Variants in UBE2V2 observed in about 807,000 individuals in gnomAD.
UBE2V2 encodes the protein ubiquitin-conjugating enzyme E2 variant 2.
UBE2V2 carries 9 observed loss-of-function variants against 17.2 expected under a neutral mutation model. That is an observed-to-expected ratio of 0.52 (90% CI 0.32 to 0.91). The LOEUF is 0.91. UBE2V2 is among the 40% of genes least tolerant of loss of function. The pLI, the probability that UBE2V2 is intolerant of heterozygous loss-of-function variation, is 0.04. For missense variants in UBE2V2, 133 were observed against 182.6 expected, an observed-to-expected ratio of 0.73 and a Z score of 1.56; for synonymous variants, 61 against 57.5, an observed-to-expected ratio of 1.06 and a Z score of -0.28.
At chr8:48,059,701 G>A (rs974725045) in intron 3 of UBE2V2, among the ~76,000 whole-genome samples, 11 of 152,258 alleles carry the variant, frequency 7.2e-5, no homozygotes, top group Non-Finnish European at 1.0e-4. Flanking sequence ...GTGAGCCACC[G>A]CATCCGGCCC....
intron 2 of UBE2V2, among the ~76,000 whole-genome samples, chr8:48,047,071 AG>A (rs1015523319): frequency 1.3e-5 from 2 of 151,494 alleles, no homozygotes; most frequent in Non-Finnish European, 2.9e-5. Flanking sequence ...GCTCCTGAGT[AG>A]CTGGGATTAC....
chr8:48,041,169 T>G (rs1006846315), intron 1 of UBE2V2, among the ~76,000 whole-genome samples: 16 of 146,408 alleles, frequency 1.1e-4, no homozygotes, highest in African/African-American at 1.6e-4. Flanking sequence ...CGGCCTTTTT[T>G]GTTGTTTTTT....
intron 1 of UBE2V2, among the ~76,000 whole-genome samples, chr8:48,027,849 C>T (rs755764716): frequency 1.3e-5 from 2 of 151,952 alleles, no homozygotes; most frequent in Non-Finnish European, 2.9e-5. Context: ...TATTCAGATT[C>T]TTTATTCATT....
chr8:48,003,577 G>T (rs2154506384), upstream of UBE2V2, among the ~76,000 whole-genome samples: 1 of 152,118 alleles, frequency 6.6e-6, no homozygotes, highest in East Asian at 1.9e-4. Context: ...TCCTGCTAGT[G>T]GGAGGGTCCA....
At chr8:48,036,580 C>T (rs534717170) in intron 1 of UBE2V2, among the ~76,000 whole-genome samples, 1 of 151,376 alleles carries the variant, frequency 6.6e-6, no homozygotes, top group East Asian at 2.0e-4. Flanking sequence ...ATTACAGGCA[C>T]GCACCACCAC....
At chr8:48,011,912 G>C (rs1028041878) in intron 1 of UBE2V2, among the ~76,000 whole-genome samples, 3 of 152,138 alleles carry the variant, frequency 2.0e-5, no homozygotes, top group African/African-American at 7.2e-5. Context: ...CCTGGCCTGA[G>C]GTTAGGATTA....
In UBE2V2 at chr8:48,062,086, C is replaced by T. The variant is rs767071320; in HGVS notation, c.*1258C>T. On this transcript the variant is annotated 3_prime_UTR_variant, in exon 4 of 4. Coordinates refer to ENST00000523111, the MANE Select transcript of UBE2V2 (RefSeq NM_003350.3). ...TTATGTTCCGCTTTCACCAAAGTGACGTGAGGCTTTAGGTCACTGTTTCAC... is the reference window on the plus strand; with the variant it reads ...TTATGTTCCGCTTTCACCAAAGTGATGTGAGGCTTTAGGTCACTGTTTCAC... 3 of 152,132 alleles carry T rather than the reference C, an allele frequency of 2.0e-5. No individual in the cohort carries two copies. Among genetic ancestry groups the T allele is most frequent in the Admixed American group, 6.6e-5 (1 of 15,262 alleles). The allele number at this position is 152,132 out of a possible 1,614,324, so 9.4% of individuals were successfully genotyped here.
intron 1 of UBE2V2, among the ~76,000 whole-genome samples, chr8:48,023,868 CCT>C (rs1355467948): frequency 6.6e-6 from 1 of 151,408 alleles, no homozygotes; most frequent in Non-Finnish European, 1.5e-5. Flanking sequence ...AGAATGAGAC[CCT>C]GTCTCAAAAA....
In UBE2V2 at chr8:48,008,521, C is replaced by T. The variant is rs780145872; in HGVS notation, c.16+51C>T. On this transcript the variant is annotated intron_variant, in intron 1 of 3. Coordinates refer to ENST00000523111, the MANE Select transcript of UBE2V2 (RefSeq NM_003350.3). ...ATTTTCCGCTCCGACCCGGCTCTGC[C>T]CCTCCGTCTGCTGCTGGCGCCCGAG... The T allele has an allele frequency of 3.7e-5, 57 of 1,539,922 alleles. No homozygotes were observed. In the East Asian group the frequency reaches 4.1e-4, roughly 11 times the overall value.
Position 48,043,153 on chromosome 8 carries a change from G to T in UBE2V2, c.137G>T (p.Trp46Leu). The T allele has an allele frequency of 6.4e-7, 1 of 1,568,934 alleles. No individual in the cohort carries two copies. Among genetic ancestry groups the T allele is most frequent in the Non-Finnish European group, 8.7e-7 (1 of 1,154,904 alleles). ...EDDEDMTLTR[W>L]TGMIIGPPRT... ...GATGAAGATATGACACTTACAAGGT[G>T]GACAGGCATGATTATTGGGCCACCA... is the stretch of plus-strand genomic sequence containing the variant. The change falls in exon 2 of 4, where the codon TGG becomes TTG. Residue 46 changes from tryptophan to leucine, a missense_variant. Trp to Leu is a moderately conservative substitution (Grantham distance 61). Around this residue, in one of 3 missense-constraint regions of UBE2V2, gnomAD observed 92 missense variants for 124.3 expected, o/e 0.74. Coordinates refer to ENST00000523111, the MANE Select transcript of UBE2V2 (RefSeq NM_003350.3).
chr8:48,019,516 G>A (rs2091290688), intron 1 of UBE2V2, among the ~76,000 whole-genome samples: 1 of 146,798 alleles, frequency 6.8e-6, no homozygotes, highest in African/African-American at 2.5e-5. Flanking sequence ...GCAACAGAGC[G>A]AGACTGTCTC....
upstream of UBE2V2, among the ~76,000 whole-genome samples, chr8:48,005,795 G>A (rs931538829): frequency 6.6e-6 from 1 of 152,000 alleles, no homozygotes; most frequent in Non-Finnish European, 1.5e-5. Context: ...TTTCATGTTT[G>A]TTGGCTGCAT....
intron 1 of UBE2V2, among the ~76,000 whole-genome samples, chr8:48,019,247 C>T (rs2091288718): frequency 1.3e-5 from 2 of 152,038 alleles, no homozygotes; most frequent in South Asian, 4.2e-4. Context: ...CGCCTGTGAC[C>T]CCAGCTACTT....
chr8:48,053,361 T>A (rs920286002), intron 3 of UBE2V2, among the ~76,000 whole-genome samples: 4 of 152,194 alleles, frequency 2.6e-5, no homozygotes, highest in Non-Finnish European at 5.9e-5. Context: ...CCAGCATCTA[T>A]GTGTCCTTCA....
chr8:47,998,879 A>G, the UBE2V2 span, among the ~76,000 whole-genome samples: 1 of 152,268 alleles, frequency 6.6e-6, no homozygotes, highest in African/African-American at 2.4e-5. Context: ...CCAAGCTTAC[A>G]GAATGAGGGG....
chr8:48,000,758 C>A, the UBE2V2 span, among the ~76,000 whole-genome samples: 18 of 147,976 alleles, frequency 1.2e-4, no homozygotes, highest in East Asian at 3.4e-3. Context: ...GGAGGCGGAG[C>A]CTGCAGTGAG....
intron 2 of UBE2V2, among the ~76,000 whole-genome samples, chr8:48,045,098 CAG>C (rs1482412624): frequency 6.6e-6 from 1 of 152,188 alleles, no homozygotes; most frequent in African/African-American, 2.4e-5. Context: ...TCTCCCCTCT[CAG>C]GGCACACAGA....
chr8:48,062,335 T>G lies in UBE2V2; in HGVS notation c.*1507T>G, dbSNP rs1013889874. 2 of 152,230 alleles carry G rather than the reference T, an allele frequency of 1.3e-5. No individual in the cohort carries two copies. Among genetic ancestry groups the G allele is most frequent in the African/African-American group, 4.8e-5 (2 of 41,452 alleles). 9.4% of individuals were successfully genotyped at this position (152,230 alleles called of 1,614,324 possible). A position where few individuals can be genotyped will look rare whatever the true frequency, so the allele number is the denominator to read the frequency against. On this transcript the variant is annotated 3_prime_UTR_variant, in exon 4 of 4. Transcript: ENST00000523111. Reference sequence around the variant, plus strand: ...TTGGCCATGTGGTGGCTCATGCCGCTAATCCCAGCACTTTGGGAGGCTGAG... The same window carrying G: ...TTGGCCATGTGGTGGCTCATGCCGCGAATCCCAGCACTTTGGGAGGCTGAG...
At chr8:48,057,631 TTC>T (rs1208881933) in intron 3 of UBE2V2, among the ~76,000 whole-genome samples, 1 of 152,098 alleles carries the variant, frequency 6.6e-6, no homozygotes. Flanking sequence ...AATTTTTTTT[TTC>T]TCTTTTTTCT....
Sources: gnomAD v4.1 joint callset for allele counts (sites outside exome capture counted in the v4.1 genomes callset) on GRCh38, gnomAD v4.1.1 for gene constraint, gnomAD v4.1.1 regional missense constraint, MANE v1.5 for transcripts, NCBI Gene and HGNC (gene_info 2026-07-23, HGNC 2026-07-21) for gene names.